Variants in MACF1 observed in about 807,000 individuals in gnomAD.
The protein encoded by MACF1 is microtubule-actin cross-linking factor 1.
A neutral mutation model predicts 854.8 loss-of-function variants in MACF1; 193 were observed. The observed-to-expected ratio is 0.23, with a 90% CI of 0.20 to 0.25. MACF1 has a LOEUF of 0.25. Ranked by LOEUF, MACF1 falls within the 10% of genes least tolerant of loss-of-function variation. The probability of loss-of-function intolerance (pLI) is 1.00; values close to 1 mark genes in which losing one functional copy is unlikely to be tolerated. For missense variants in MACF1, 7,722 were observed against 8,929.1 expected (o/e 0.86, Z 5.45); for synonymous variants, 3,185 against 3,226.7 (o/e 0.99, Z 0.44).
intron 35 of MACF1, 25 bp downstream of exon 35, chr1:39,324,759 G>T: frequency 1.3e-6 from 2 of 1,523,754 alleles, no homozygotes; most frequent in Non-Finnish European, 1.8e-6. Context: ...AGAGATTATG[G>T]CACATCTGGG....
rs748625251 is a variant in MACF1 at position 39,336,660 on chromosome 1, G to A, written c.10065+7G>A. 6.4e-7 allele frequency: 1 copy of A among 1,560,816 alleles called. No individual in the cohort carries two copies. The highest frequency in any genetic ancestry group is 8.6e-7 in the Non-Finnish European group (1 of 1,162,510). ...GCCCTTCAGAGCAACTCAGGTCAGTGGTGTGCTTTTTTTTTTTTCTTCCTA... is the reference window on the plus strand; with the variant it reads ...GCCCTTCAGAGCAACTCAGGTCAGTAGTGTGCTTTTTTTTTTTTCTTCCTA... On this transcript the variant is annotated splice_region_variant and intron_variant, in intron 37 of 100. Transcript: ENST00000564288.
intron 1 of MACF1, among the ~76,000 whole-genome samples, chr1:39,212,174 A>T (rs1644524399): frequency 6.6e-6 from 1 of 152,062 alleles, no homozygotes; most frequent in African/African-American, 2.4e-5. Context: ...AGCCAGACTT[A>T]AACTTTTTCC....
chr1:39,320,668 T>C (rs1557585885), intron 31 of MACF1, among the ~76,000 whole-genome samples: 2 of 152,150 alleles, frequency 1.3e-5, no homozygotes, highest in Admixed American at 6.6e-5. Flanking sequence ...AGAATATCTT[T>C]AAGGAAAAAT....
At chr1:39,469,127 C>T (rs1198869980) in intron 96 of MACF1, among the ~76,000 whole-genome samples, 1 of 152,146 alleles carries the variant, frequency 6.6e-6, no homozygotes, top group East Asian at 1.9e-4. Flanking sequence ...GTGTTAGGCC[C>T]TTCTCATACA....
chr1:39,233,808 T>TTTTTTTTTA lies in MACF1; in HGVS notation c.171+2565_171+2566insTTTTTTTTA, dbSNP rs755591226. Among the ~76,000 whole-genome samples, 190 of 65,810 alleles carry TTTTTTTTTA rather than the reference T, an allele frequency of 2.9e-3. 46 individuals are homozygous for TTTTTTTTTA. The highest frequency in any genetic ancestry group is 4.5e-3 in the Non-Finnish European group (136 of 30,126). 43.2% of individuals were successfully genotyped at this position (65,810 alleles called of 152,430 possible). A position where few individuals can be genotyped will look rare whatever the true frequency, so the allele number is the denominator to read the frequency against. On this transcript the variant is annotated intron_variant, in intron 2 of 100. Transcript: ENST00000564288. ...TTTTTTTTTTTTTTTATTTATTTTTTATTGATAATTCTTGGGTGTTTCTCA... is the reference window on the plus strand; with the variant it reads ...TTTTTTTTTTTTTTTATTTATTTTTTTTTTTTTTAATTGATAATTCTTGGGTGTTTCTCA...
chr1:39,257,745 A>G, intron 5 of MACF1, 191 bp from the exon 6 acceptor site: 1 of 543,420 alleles, frequency 1.8e-6, no homozygotes, highest in Non-Finnish European at 3.3e-6. Flanking sequence ...GGCCAGCACA[A>G]GGGACCTTTT....
intron 41 of MACF1, among the ~76,000 whole-genome samples, chr1:39,349,093 T>A (rs1259957803): frequency 6.6e-6 from 1 of 152,222 alleles, no homozygotes; most frequent in East Asian, 1.9e-4. Context: ...ATGTAGCAAA[T>A]CTCTGGTTCT....
intron 66 of MACF1, among the ~76,000 whole-genome samples, chr1:39,431,658 T>G (rs1444972693): frequency 1.3e-5 from 2 of 152,074 alleles, no homozygotes; most frequent in Non-Finnish European, 2.9e-5. Context: ...TTGGCCAAGT[T>G]GAAGAGGAAG....
In MACF1 at chr1:39,447,863, C is replaced by A. The variant is rs137872321; in HGVS notation, c.19933C>A (p.Arg6645=). 1.2e-6 allele frequency: 2 copies of A among 1,613,398 alleles called. No homozygotes were observed. Among genetic ancestry groups the A allele is most frequent in the African/African-American group, 1.3e-5 (1 of 74,714 alleles). ...TGTCCAGCGATCTATTGAAAGAGGG[C>A]GATCACTAGATGATGCCAGGAAGCG... is the stretch of plus-strand genomic sequence containing the variant. ...KVVQRSIERG[R]SLDDARKRAK... The change falls in exon 82 of 101, where the codon CGA becomes AGA. Residue 6645 remains arginine, a synonymous_variant. Coordinates refer to ENST00000564288, the MANE Select transcript of MACF1 (RefSeq NM_001394062.1).
At chr1:39,353,921 T>C (rs1242548080) in intron 44 of MACF1, among the ~76,000 whole-genome samples, 1 of 152,242 alleles carries the variant, frequency 6.6e-6, no homozygotes, top group Non-Finnish European at 1.5e-5. Context: ...TTCACTGTTA[T>C]TATTATAGTA....
At chr1:39,247,293 G>C (rs1211076206) in intron 2 of MACF1, among the ~76,000 whole-genome samples, 1 of 151,604 alleles carries the variant, frequency 6.6e-6, no homozygotes, top group East Asian at 1.9e-4. Context: ...GGATGGTCTC[G>C]ATCTCCTGAC....
chr1:39,419,883 G>T lies in MACF1; in HGVS notation c.15817-2491G>T, dbSNP rs1280447284. Among the ~76,000 whole-genome samples, 4 of 151,342 alleles carry T rather than the reference G, an allele frequency of 2.6e-5. No homozygotes were observed. In the East Asian group the frequency reaches 7.8e-4, roughly 29 times the overall value. ...GAGGTTTCGCCTGTTGCCCAGGCTGGTCTCAAACTCCTGAGCTCTGGCAAT... is the reference window on the plus strand; with the variant it reads ...GAGGTTTCGCCTGTTGCCCAGGCTGTTCTCAAACTCCTGAGCTCTGGCAAT... On this transcript the variant is annotated intron_variant, in intron 58 of 100. Coordinates refer to ENST00000564288, the MANE Select transcript of MACF1 (RefSeq NM_001394062.1).
At chr1:39,252,860 G>T (rs1448805611) in intron 4 of MACF1, among the ~76,000 whole-genome samples, 1 of 152,208 alleles carries the variant, frequency 6.6e-6, no homozygotes, top group East Asian at 1.9e-4. Flanking sequence ...TATTTGAGAA[G>T]TGTTGCTTAG....
chr1:39,149,507 G>T (rs1425546687), intron 2 of MACF1, among the ~76,000 whole-genome samples: 1 of 151,646 alleles, frequency 6.6e-6, no homozygotes, highest in East Asian at 1.9e-4. Context: ...AAGCCTGGGT[G>T]ATAGAGTGAG....
chr1:39,091,429 T>A (rs1641799001), intron 2 of MACF1, among the ~76,000 whole-genome samples: 4 of 152,178 alleles, frequency 2.6e-5, no homozygotes, highest in Non-Finnish European at 5.9e-5. Flanking sequence ...CTCAGAGACT[T>A]GCACAGTAGA....
Position 39,460,878 on chromosome 1 carries a change from C to A in MACF1, c.21523+84C>A. On this transcript the variant is annotated intron_variant, in intron 92 of 100. Coordinates refer to ENST00000564288, the MANE Select transcript of MACF1 (RefSeq NM_001394062.1). The surrounding 1 kb of genome is among the most constrained non-coding windows in gnomAD (Gnocchi z 4.1). ...AGCTGTGATATTCTAGCTAAACAGT[C>A]TTTCTGAAGCTGGCCAGGAGCTTGG... 2 of 1,492,698 alleles carry A rather than the reference C, an allele frequency of 1.3e-6. No individual in the cohort carries two copies. Among genetic ancestry groups the A allele is most frequent in the Non-Finnish European group, 1.8e-6 (2 of 1,081,678 alleles). 92.5% of individuals were successfully genotyped at this position (1,492,698 alleles called of 1,614,324 possible).
At chr1:39,104,537 CTG>C (rs1412551255) in intron 2 of MACF1, among the ~76,000 whole-genome samples, 2 of 152,206 alleles carry the variant, frequency 1.3e-5, no homozygotes, top group Non-Finnish European at 2.9e-5. Context: ...CTTTTGATCT[CTG>C]TCTCTCTGTT....
chr1:39,422,282 G>A, intron 58 of MACF1, 92 bp from the exon 59 acceptor site: 2 of 970,958 alleles, frequency 2.1e-6, no homozygotes, highest in Non-Finnish European at 3.1e-6. Context: ...CTTTCATTAA[G>A]TCATAAATGC....
chr1:39,453,947 A>C, intron 88 of MACF1, 97 bp downstream of exon 88: 1 of 1,373,990 alleles, frequency 7.3e-7, no homozygotes, highest in African/African-American at 1.4e-5. Context: ...TCTTTCACTC[A>C]CTGTGAATAA....
Sources: allele counts gnomAD v4.1 joint callset (sites outside exome capture counted in the v4.1 genomes callset), GRCh38; gene constraint gnomAD v4.1.1; non-coding constraint Gnocchi (gnomAD v3.1); transcripts MANE v1.5; gene names NCBI Gene and HGNC (gene_info 2026-07-23, HGNC 2026-07-21).